The following LTBP3 variants were observed in gnomAD, a reference collection of about 807,000 sequenced individuals.
LTBP3 encodes the protein latent transforming growth factor beta binding protein 3.
Under a neutral mutation model 159.7 loss-of-function variants are expected in LTBP3, and 97 were observed. That is an observed-to-expected ratio of 0.61 (90% CI 0.52 to 0.72). LTBP3 has a LOEUF of 0.72. Among genes scored for constraint, LTBP3 ranks in the 30% least tolerant of loss-of-function variants. LTBP3 has a pLI of 0.00. For synonymous variants in LTBP3, 824 were observed against 777.1 expected, an observed-to-expected ratio of 1.06 and a Z score of -1.00; for missense variants, 1,584 against 1,864.3, an observed-to-expected ratio of 0.85 and a Z score of 2.77.
At chr11:65,549,757 G>GAAAA (rs752434010) in intron 11 of LTBP3, among the ~76,000 whole-genome samples, 5 of 104,478 alleles carry the variant, frequency 4.8e-5, no homozygotes, top group African/African-American at 1.1e-4. Flanking sequence ...CCCAGGCCGG[G>GAAAA]AAAAAAAAAA....
rs1855898344 is a variant in LTBP3 at position 65,538,936 on chromosome 11, G to A, written c.*144C>T. On this transcript the variant is annotated 3_prime_UTR_variant, in exon 28 of 28. Transcript: ENST00000301873. ...ACCGGGGAGGGGGGCCGGTAGGGGC[G>A]CCTCGGGTCTCAAGGCGCCGGGAGG... is the stretch of plus-strand genomic sequence containing the variant. The A allele has an allele frequency of 1.2e-5, 15 of 1,300,492 alleles. No individual in the cohort carries two copies. The highest frequency in any genetic ancestry group is 1.5e-5 in the Non-Finnish European group (15 of 1,021,958). 80.6% of individuals were successfully genotyped at this position (1,300,492 alleles called of 1,614,324 possible).
Position 65,553,320 on chromosome 11 carries a change from T to C in LTBP3, c.971-64A>G. On this transcript the variant is annotated intron_variant, in intron 4 of 27. Coordinates refer to ENST00000301873, the MANE Select transcript of LTBP3 (RefSeq NM_001130144.3). The surrounding 1 kb of genome is among the most constrained non-coding windows in gnomAD (Gnocchi z 6.5). ...GGGAACTGGGGAGGGGCACAGCAGA[T>C]GTAGAGAGGAATCTGGTGACCTGGG... The C allele has an allele frequency of 1.4e-6, 2 of 1,430,600 alleles. No homozygotes were observed. Among genetic ancestry groups the C allele is most frequent in the Non-Finnish European group, 1.9e-6 (2 of 1,026,254 alleles). The allele number at this position is 1,430,600 out of a possible 1,614,324, so 88.6% of individuals were successfully genotyped here.
chr11:65,548,458 C>G (rs1856474366), intron 11 of LTBP3: 1 of 369,418 alleles, frequency 2.7e-6, no homozygotes, highest in South Asian at 3.0e-5. Context: ...TGTCCTCTAG[C>G]CCAGTGACTC....
At chr11:65,540,729 G>GCCTACAGGAGGGGCGGGC in intron 21 of LTBP3, 115 bp from the exon 22 acceptor site, 2 of 1,520,662 alleles carry the variant, frequency 1.3e-6, no homozygotes, top group South Asian at 1.1e-5. Flanking sequence ...GAGGGGCGGG[G>GCCTACAGGAGGGGCGGGC]CCTACAGGGC....
Position 65,547,774 on chromosome 11 carries a change from A to G in LTBP3, c.1894T>C (p.Cys632Arg), listed in dbSNP as rs765850336. ...AEPCGPGRGICMNTGGSYNCH... is the reference protein window; with the variant it reads ...AEPCGPGRGIRMNTGGSYNCH... Reference sequence around the variant, plus strand: ...TTGTAGGAGCCGCCGGTGTTCATGCAGATGCCCCTCCCCGGGCCACAGGGC... The same window carrying G: ...TTGTAGGAGCCGCCGGTGTTCATGCGGATGCCCCTCCCCGGGCCACAGGGC... Residue 632 changes from cysteine to arginine, a missense_variant, in exon 13 of 28, where the codon TGC becomes CGC. By Grantham distance (180) the Cys-to-Arg change is radical. Coordinates refer to ENST00000301873, the MANE Select transcript of LTBP3 (RefSeq NM_001130144.3). The surrounding 1 kb of genome is among the most constrained non-coding windows in gnomAD (Gnocchi z 4.6). 6.2e-7 allele frequency: 1 copy of G among 1,612,460 alleles called. No homozygotes were observed. The highest frequency in any genetic ancestry group is 1.7e-5 in the Admixed American group (1 of 59,864).
chr11:65,546,563 G>T lies in LTBP3; in HGVS notation c.2232C>A (p.Asp744Glu), dbSNP rs1301932570. 3 of 1,602,058 alleles carry T rather than the reference G, an allele frequency of 1.9e-6. No homozygotes were observed. The highest frequency in any genetic ancestry group is 2.5e-6 in the Non-Finnish European group (3 of 1,179,446). The change falls in exon 16 of 28, where the codon GAC (aspartate) becomes GAA (glutamate). Residue 744 changes from aspartate to glutamate, a missense_variant and splice_region_variant. By Grantham distance (45) the Asp-to-Glu change is conservative (BLOSUM62 2). This residue lies in a region of LTBP3 where 565 missense variants were observed against 677.7 expected (regional missense o/e 0.83). Transcript: ENST00000301873. This position sits in a 1 kb window ranked among gnomAD's most constrained non-coding sequence, Gnocchi z 4.0. Reference sequence around the variant, plus strand: ...GGCTGCCCTCGGCGCACTCGTTCACGTCTGCGGCGGAAAGACCTAGCCTCG... The same window carrying T: ...GGCTGCCCTCGGCGCACTCGTTCACTTCTGCGGCGGAAAGACCTAGCCTCG... ...YRSQGGGACRDVNECAEGSPC... is the reference protein window; with the variant it reads ...YRSQGGGACREVNECAEGSPC...
At position 65,546,305 on chromosome 11, in the gene LTBP3, T is replaced by C. The variant is rs1427164797; in HGVS notation, c.2353+137A>G. 11 of 1,148,380 alleles carry C rather than the reference T, an allele frequency of 9.6e-6. No homozygotes were observed. The highest frequency in any genetic ancestry group is 1.3e-5 in the Non-Finnish European group (11 of 851,768). The allele number at this position is 1,148,380 out of a possible 1,614,324, so 71.1% of individuals were successfully genotyped here. ...TGGTGCCTTCCTTGGCAAAGTTCGT[T>C]GAGAAAATGAGTGAGCAGAGTCACC... On this transcript the variant is annotated intron_variant, in intron 16 of 27. Transcript: ENST00000301873. The surrounding 1 kb of genome is among the most constrained non-coding windows in gnomAD (Gnocchi z 4.0).
intron 23 of LTBP3, 40 bp downstream of exon 23, chr11:65,540,200 GGCCCC>G (rs1403831592): frequency 1.2e-5 from 18 of 1,543,530 alleles, no homozygotes; most frequent in Middle Eastern, 3.5e-4. Context: ...GCTCGGCCCG[GGCCCC>G]GCCCCTCCCG....
At chr11:65,540,988 G>A in intron 20 of LTBP3, 34 bp from the exon 21 acceptor site, 2 of 1,604,782 alleles carry the variant, frequency 1.2e-6, no homozygotes, top group South Asian at 1.1e-5. Flanking sequence ...GGAGGGAAGA[G>A]GCAGGACTGA....
Position 65,541,745 on chromosome 11 carries a change from G to A in LTBP3, c.2597-17C>T, listed in dbSNP as rs757382943. On this transcript the variant is annotated splice_polypyrimidine_tract_variant and intron_variant, in intron 18 of 27. Coordinates refer to ENST00000301873, the MANE Select transcript of LTBP3 (RefSeq NM_001130144.3). Reference sequence around the variant, plus strand: ...CATCTATGTCTGCGGGGCAAGAGTAGCGCAGCTGGAAACCCAGCCCCTCTT... The same window carrying A: ...CATCTATGTCTGCGGGGCAAGAGTAACGCAGCTGGAAACCCAGCCCCTCTT... 5.0e-6 allele frequency: 8 copies of A among 1,613,798 alleles called. No individual in the cohort carries two copies. The highest frequency in any genetic ancestry group is 6.8e-6 in the Non-Finnish European group (8 of 1,179,888).
In LTBP3 at chr11:65,554,213, C is replaced by T; in HGVS notation, c.499G>A (p.Gly167Arg). The T allele has an allele frequency of 6.2e-7, 1 of 1,610,424 alleles. No homozygotes were observed. Among genetic ancestry groups the T allele is most frequent in the Middle Eastern group, 1.7e-4 (1 of 6,046 alleles). Residue 167 changes from glycine to arginine, a missense_variant, in exon 2 of 28, where the codon GGG becomes AGG. By Grantham distance (125) the Gly-to-Arg change is moderately radical. Transcript: ENST00000301873. The surrounding 1 kb of genome is among the most constrained non-coding windows in gnomAD (Gnocchi z 5.3). ...TCCGGAGCCAGGGGCGGCAGCGCCC[C>T]TGTGGACAGGGCCCCTGTCCTGCTC... The part of the protein sequence containing the change: ...GLSRTGALST[G>R]ALPPLAPEGD...
Position 65,540,046 on chromosome 11 carries a change from C to T in LTBP3, c.3352G>A (p.Gly1118Ser), listed in dbSNP as rs1239155596. 2 of 1,517,554 alleles carry T rather than the reference C, an allele frequency of 1.3e-6. No homozygotes were observed. The highest frequency in any genetic ancestry group is 2.0e-5 in the Admixed American group (1 of 49,334). 94.0% of individuals were successfully genotyped at this position (1,517,554 alleles called of 1,614,324 possible). ...CRPPWVPGPS[G>S]RDCQLPESPA... Reference sequence around the variant, plus strand: ...CTCTCGGGGAGCTGGCAATCGCGGCCGGAGGGCCCGGGCACCCAGGGCGGG... The same window carrying T: ...CTCTCGGGGAGCTGGCAATCGCGGCTGGAGGGCCCGGGCACCCAGGGCGGG... The change falls in exon 24 of 28, where the codon GGC becomes AGC. Residue 1118 changes from glycine (G) to serine (S), a missense_variant. Physicochemically the swap from Gly to Ser is moderately conservative, Grantham distance 56. Around this residue, in one of 6 missense-constraint regions of LTBP3, gnomAD observed 514 missense variants for 530.3 expected, o/e 0.97. Transcript: ENST00000301873.
In LTBP3 at chr11:65,552,230, C is replaced by G. The variant is rs370225454; in HGVS notation, c.1345+18G>C. 5 of 1,614,154 alleles carry G rather than the reference C, an allele frequency of 3.1e-6. No homozygotes were observed. The highest frequency in any genetic ancestry group is 2.2e-5 in the East Asian group (1 of 44,874). On this transcript the variant is annotated intron_variant, in intron 7 of 27. Transcript: ENST00000301873. The surrounding 1 kb of genome is among the most constrained non-coding windows in gnomAD (Gnocchi z 6.0). ...GCATGGACCTATGAACCCCTATCCC[C>G]GGGTAACCCTGACTCACCGGTGCCA...
rs58373954 is a variant in LTBP3 at position 65,547,343 on chromosome 11, C to CG, written c.2107+95dup. ...TGGGCGACAGAGTGAGACTCCGTCT[C>CG]GGGGGAAAAAAAAAAAAATGCAGGC... On this transcript the variant is annotated intron_variant, in intron 14 of 27. Coordinates refer to ENST00000301873, the MANE Select transcript of LTBP3 (RefSeq NM_001130144.3). The surrounding 1 kb of genome is among the most constrained non-coding windows in gnomAD (Gnocchi z 4.6). 7.4e-6 allele frequency: 10 copies of CG among 1,344,014 alleles called. No homozygotes were observed. The highest frequency in any genetic ancestry group is 6.3e-5 in the African/African-American group (4 of 63,450). The allele number at this position is 1,344,014 out of a possible 1,614,324, so 83.3% of individuals were successfully genotyped here. A position where few individuals can be genotyped will look rare whatever the true frequency, so the allele number is the denominator to read the frequency against.
At chr11:65,551,675 T>A in intron 8 of LTBP3, 111 bp from the exon 9 acceptor site, 4 of 1,358,382 alleles carry the variant, frequency 2.9e-6, no homozygotes, top group Middle Eastern at 1.8e-4. Context: ...TCAACAATCA[T>A]GTCTCCAGGT....
In LTBP3 at chr11:65,553,134, C is replaced by T. The variant is rs1463662648; in HGVS notation, c.1063+30G>A. ...CCCAGTGATGGCTGGCCTGCCCCTC[C>T]AGCCCACAGAATCTCCTAGCTGGCC... On this transcript the variant is annotated intron_variant, in intron 5 of 27. Coordinates refer to ENST00000301873, the MANE Select transcript of LTBP3 (RefSeq NM_001130144.3). This position sits in a 1 kb window ranked among gnomAD's most constrained non-coding sequence, Gnocchi z 6.5. 6.2e-7 allele frequency: 1 copy of T among 1,611,802 alleles called. No homozygotes were observed. The highest frequency in any genetic ancestry group is 1.7e-5 in the Admixed American group (1 of 60,020).
chr11:65,541,845 A>C (rs1856150930), intron 18 of LTBP3, 117 bp from the exon 19 acceptor site: 1 of 1,208,278 alleles, frequency 8.3e-7, no homozygotes. Context: ...AAGTATGTAC[A>C]GCAGGAAGTC....
Position 65,553,783 on chromosome 11 carries a change from G to T in LTBP3, c.782C>A (p.Pro261Gln), listed in dbSNP as rs765178350. The T allele has an allele frequency of 1.3e-6, 2 of 1,566,854 alleles. No individual in the cohort carries two copies. Among genetic ancestry groups the T allele is most frequent in the East Asian group, 2.3e-5 (1 of 43,330 alleles). ...ESAAPSQHLL[P>Q]HPKPSHPRPP... Reference sequence around the variant, plus strand: ...CCGGGGGTGCGAGGGCTTGGGGTGCGGCAGCAGGTGCTGGGAGGGGGCTGC... The same window carrying T: ...CCGGGGGTGCGAGGGCTTGGGGTGCTGCAGCAGGTGCTGGGAGGGGGCTGC... Residue 261 changes from proline to glutamine, a missense_variant, in exon 3 of 28, where the codon CCG (proline) becomes CAG (glutamine). Pro to Gln is a moderately conservative substitution (Grantham distance 76). Coordinates refer to ENST00000301873, the MANE Select transcript of LTBP3 (RefSeq NM_001130144.3). The surrounding 1 kb of genome is among the most constrained non-coding windows in gnomAD (Gnocchi z 6.5).
At position 65,546,436 on chromosome 11, in the gene LTBP3, G is replaced by C; in HGVS notation, c.2353+6C>G. 4 of 1,549,238 alleles carry C rather than the reference G, an allele frequency of 2.6e-6. No individual in the cohort carries two copies. Among genetic ancestry groups the C allele is most frequent in the Non-Finnish European group, 2.6e-6 (3 of 1,154,194 alleles). On this transcript the variant is annotated splice_donor_region_variant and intron_variant, in intron 16 of 27. Coordinates refer to ENST00000301873, the MANE Select transcript of LTBP3 (RefSeq NM_001130144.3). This position sits in a 1 kb window ranked among gnomAD's most constrained non-coding sequence, Gnocchi z 4.0. ...GGAGGCCCGGGGCGGGGGTGCTGGCGCTCACCCAAGCAACTGCGGCCGTCG... is the reference window on the plus strand; with the variant it reads ...GGAGGCCCGGGGCGGGGGTGCTGGCCCTCACCCAAGCAACTGCGGCCGTCG...
Sources: allele counts gnomAD v4.1 joint callset (sites outside exome capture counted in the v4.1 genomes callset), GRCh38; gene constraint gnomAD v4.1.1; regional missense constraint gnomAD v4.1.1; non-coding constraint Gnocchi (gnomAD v3.1); transcripts MANE v1.5; gene names NCBI Gene and HGNC (gene_info 2026-07-23, HGNC 2026-07-21).